The following NLGN1 variants were observed in gnomAD, a reference collection of about 807,000 sequenced individuals.
NLGN1 encodes the protein neuroligin 1.
NLGN1 carries 12 observed loss-of-function variants against 65.5 expected under a neutral mutation model. The ratio of observed to expected loss-of-function variants is 0.18; its 90% CI spans 0.12 to 0.30. The LOEUF (loss-of-function observed/expected upper bound fraction) is 0.30, where lower values mean the gene tolerates loss of function less well. Among genes scored for constraint, NLGN1 ranks in the 10% least tolerant of loss-of-function variants. NLGN1 has a pLI of 1.00. For missense variants in NLGN1, 750 were observed against 1,007.1 expected (o/e 0.74, Z 3.46); for synonymous variants, 350 against 359.5 (o/e 0.97, Z 0.30).
chr3:173,581,131 A>G (rs1391047547), intron 2 of NLGN1, among the ~76,000 whole-genome samples: 2 of 152,058 alleles, frequency 1.3e-5, no homozygotes, highest in Non-Finnish European at 2.9e-5. Flanking sequence ...TATTCAGAAT[A>G]GTTGAAAATT....
intron 4 of NLGN1, among the ~76,000 whole-genome samples, chr3:174,078,789 C>T (rs1741535597): frequency 1.3e-5 from 2 of 152,154 alleles, no homozygotes; most frequent in African/African-American, 2.4e-5. Flanking sequence ...GCTGTTTCAA[C>T]TTAGAAGAAA....
downstream of NLGN1, among the ~76,000 whole-genome samples, chr3:174,289,907 A>ATATG (rs1328902354): frequency 2.1e-5 from 3 of 144,102 alleles, no homozygotes; most frequent in African/African-American, 7.5e-5. Flanking sequence ...TTATATATAT[A>ATATG]TATGTATGTA....
chr3:174,290,312 A>G (rs1752624295), downstream of NLGN1, among the ~76,000 whole-genome samples: 1 of 150,998 alleles, frequency 6.6e-6, no homozygotes, highest in African/African-American at 2.4e-5. Flanking sequence ...TTGAACCCAT[A>G]AACAGATCTA....
intron 4 of NLGN1, among the ~76,000 whole-genome samples, chr3:174,068,090 T>C (rs543266210): frequency 6.6e-6 from 1 of 152,176 alleles, no homozygotes; most frequent in East Asian, 2.0e-4. Flanking sequence ...CTTTGACTAC[T>C]GGAAATTGGC....
At chr3:173,511,301 T>C (rs975988691) in intron 2 of NLGN1, among the ~76,000 whole-genome samples, 1 of 152,058 alleles carries the variant, frequency 6.6e-6, no homozygotes, top group East Asian at 1.9e-4. Context: ...AAGGTTCCCA[T>C]ATGTCCCCAG....
At chr3:173,565,633 A>G (rs112477610) in intron 2 of NLGN1, among the ~76,000 whole-genome samples, 429 of 152,334 alleles carry the variant, frequency 2.8e-3, no homozygotes, top group African/African-American at 9.7e-3. Context: ...GAGGAAAACT[A>G]CAAGGTAACT....
chr3:174,229,493 A>G (rs892518693), intron 4 of NLGN1, among the ~76,000 whole-genome samples: 1 of 152,182 alleles, frequency 6.6e-6, no homozygotes, highest in African/African-American at 2.4e-5. Context: ...TAAAAGTGAA[A>G]TGTTAGATTT....
intron 2 of NLGN1, among the ~76,000 whole-genome samples, chr3:173,540,416 C>G (rs376665241): frequency 1.3e-5 from 2 of 152,134 alleles, no homozygotes; most frequent in East Asian, 3.9e-4. Context: ...TATGTTGACT[C>G]CAAAATCCAA....
chr3:174,248,754 C>G (rs1336244220), intron 4 of NLGN1, among the ~76,000 whole-genome samples: 2 of 152,066 alleles, frequency 1.3e-5, no homozygotes, highest in Non-Finnish European at 2.9e-5. Flanking sequence ...GAGTGAAACT[C>G]TGCCTCAAAA....
At chr3:173,940,958 A>T (rs1383648126) in intron 4 of NLGN1, among the ~76,000 whole-genome samples, 1 of 152,210 alleles carries the variant, frequency 6.6e-6, no homozygotes, top group African/African-American at 2.4e-5. Flanking sequence ...AAACTTCATG[A>T]TTCTTACCCC....
chr3:173,440,235 A>ATT (rs559981835), intron 2 of NLGN1, among the ~76,000 whole-genome samples: 1 of 151,688 alleles, frequency 6.6e-6, no homozygotes, highest in African/African-American at 2.4e-5. Context: ...TTTTTTTGCT[A>ATT]TTTTTTTTAA....
chr3:173,565,272 T>C (rs1212462116), intron 2 of NLGN1, among the ~76,000 whole-genome samples: 1 of 152,174 alleles, frequency 6.6e-6, no homozygotes, highest in Non-Finnish European at 1.5e-5. Flanking sequence ...ATAGGCTGCC[T>C]TACAGATGGA....
intron 2 of NLGN1, among the ~76,000 whole-genome samples, chr3:173,534,146 A>G (rs1287481732): frequency 6.6e-6 from 1 of 152,208 alleles, no homozygotes; most frequent in Non-Finnish European, 1.5e-5. Context: ...TTATGTGTCT[A>G]ACAGTCTTCT....
At chr3:174,056,728 A>T (rs890585843) in intron 4 of NLGN1, among the ~76,000 whole-genome samples, 1 of 152,042 alleles carries the variant, frequency 6.6e-6, no homozygotes. Context: ...ACGTTCAAGC[A>T]CTATATTTCA....
chr3:174,257,547 G>A (rs1746019278), intron 4 of NLGN1, among the ~76,000 whole-genome samples: 1 of 152,064 alleles, frequency 6.6e-6, no homozygotes, highest in Non-Finnish European at 1.5e-5. Flanking sequence ...GAAAATGGGG[G>A]TACATATAGG....
chr3:173,692,013 A>G (rs993961551), intron 3 of NLGN1, among the ~76,000 whole-genome samples: 1 of 152,122 alleles, frequency 6.6e-6, no homozygotes, highest in Non-Finnish European at 1.5e-5. Flanking sequence ...TACACGTGGT[A>G]TCTTGAATGT....
chr3:173,400,742 G>A (rs1009333852), intron 1 of NLGN1, among the ~76,000 whole-genome samples: 9 of 152,184 alleles, frequency 5.9e-5, no homozygotes, highest in African/African-American at 2.2e-4. Context: ...TGAATTGCCA[G>A]AGATCAAAAG....
chr3:174,143,392 T>G (rs1189409443), intron 4 of NLGN1, among the ~76,000 whole-genome samples: 1 of 152,172 alleles, frequency 6.6e-6, no homozygotes, highest in East Asian at 1.9e-4. Context: ...AAACCAAAGA[T>G]GCTATGATTA....
chr3:173,625,093 A>G (rs1553778967), intron 3 of NLGN1, among the ~76,000 whole-genome samples: 1 of 152,110 alleles, frequency 6.6e-6, no homozygotes, highest in Non-Finnish European at 1.5e-5. Flanking sequence ...GATTTACTAT[A>G]ATACATTTAA....
Sources: gnomAD v4.1 joint callset for allele counts (sites outside exome capture counted in the v4.1 genomes callset) on GRCh38, gnomAD v4.1.1 for gene constraint, MANE v1.5 for transcripts, NCBI Gene and HGNC (gene_info 2026-07-23, HGNC 2026-07-21) for gene names.